The following KIAA1614 variants were observed in gnomAD, a reference collection of about 807,000 sequenced individuals.
The protein encoded by KIAA1614 is KIAA1614, also known as uncharacterized protein KIAA1614.
KIAA1614 carries 76 observed loss-of-function variants against 88.7 expected under a neutral mutation model. The ratio of observed to expected loss-of-function variants is 0.86; its 90% confidence interval spans 0.71 to 1.04. The LOEUF is 1.04. Among genes scored for constraint, KIAA1614 ranks in the 50% least tolerant of loss-of-function variants. KIAA1614 has a pLI of 0.00. For synonymous variants in KIAA1614, 714 were observed against 675.5 expected, an observed-to-expected ratio of 1.06 and a Z score of -0.88; for missense variants, 1,553 against 1,582.5, an observed-to-expected ratio of 0.98 and a Z score of 0.32.
Position 180,913,267 on chromosome 1 carries a change from G to GGCC in KIAA1614, c.25_27dup (p.Ala9dup). On this transcript the variant is annotated inframe_insertion, in exon 1 of 9. Transcript: ENST00000367588. ...GGATGGAGGGGACAGAGGCGGCGGC[G>GGCC]GCCAAACCCGCGGGCGGCAGCCCCC... 1 of 1,259,904 alleles carries GGCC rather than the reference G, an allele frequency of 7.9e-7. No homozygotes were observed. The highest frequency in any genetic ancestry group is 1.0e-6 in the Non-Finnish European group (1 of 996,778). 78.0% of individuals were successfully genotyped at this position (1,259,904 alleles called of 1,614,324 possible).
At position 180,941,139 on chromosome 1, in the gene KIAA1614, G is replaced by A; in HGVS notation, c.3013G>A (p.Gly1005Arg). The A allele has an allele frequency of 1.2e-6, 2 of 1,613,574 alleles. No individual in the cohort carries two copies. The highest frequency in any genetic ancestry group is 1.7e-6 in the Non-Finnish European group (2 of 1,179,886). ...GAGCAGCAGCATAGCCTCCACCCTGGGGCTGAAAAAGCTCTTCTCAGCCCT... is the reference window on the plus strand; with the variant it reads ...GAGCAGCAGCATAGCCTCCACCCTGAGGCTGAAAAAGCTCTTCTCAGCCCT... ...KRSSSIASTL[G>R]LKKLFSALGQ... Residue 1005 changes from glycine (G) to arginine (R), a missense_variant, in exon 7 of 9, where the codon GGG (glycine) becomes AGG (arginine). Coordinates refer to ENST00000367588, the MANE Select transcript of KIAA1614 (RefSeq NM_020950.2).
rs1654635495 is a variant in KIAA1614 at position 180,948,036 on chromosome 1, G to GCTCTGATGGGCAGGGGTCTCTAGTGA, written c.*2450_*2475dup. ...GCCCCTCCCTGTCACCCGTCAGGGA[G>GCTCTGATGGGCAGGGGTCTCTAGTGA]CTCTGATGGGCAGGGGTCTCTAGTG... On this transcript the variant is annotated 3_prime_UTR_variant, in exon 9 of 9. Transcript: ENST00000367588. 3 of 152,216 alleles carry GCTCTGATGGGCAGGGGTCTCTAGTGA rather than the reference G, an allele frequency of 2.0e-5. No individual in the cohort carries two copies. Among genetic ancestry groups the GCTCTGATGGGCAGGGGTCTCTAGTGA allele is most frequent in the African/African-American group, 7.2e-5 (3 of 41,454 alleles). 9.4% of individuals were successfully genotyped at this position (152,216 alleles called of 1,614,324 possible).
At chr1:180,925,678 C>T (rs751094065) in intron 3 of KIAA1614, among the ~76,000 whole-genome samples, 18 of 152,192 alleles carry the variant, frequency 1.2e-4, no homozygotes, top group Non-Finnish European at 5.9e-5. Context: ...CTGGCCGAGA[C>T]GGGAGTGCCC....
intron 1 of KIAA1614, among the ~76,000 whole-genome samples, chr1:180,914,393 A>G (rs1355033471): frequency 6.6e-6 from 1 of 152,202 alleles, no homozygotes; most frequent in Non-Finnish European, 1.5e-5. Context: ...TAAGGGGAGT[A>G]GGGTTAAGTG....
At chr1:180,917,245 A>C in intron 2 of KIAA1614, 145 bp downstream of exon 2, 1 of 666,710 alleles carries the variant, frequency 1.5e-6, no homozygotes, top group Non-Finnish European at 2.6e-6. Context: ...AATCATCAGG[A>C]TGGCCTCTTG....
In KIAA1614 at chr1:180,916,432, G is replaced by A. The variant is rs1653800375; in HGVS notation, c.329G>A (p.Trp110Ter). 6.2e-7 allele frequency: 1 copy of A among 1,614,092 alleles called. No homozygotes were observed. Among genetic ancestry groups the A allele is most frequent in the African/African-American group, 1.3e-5 (1 of 74,940 alleles). ...GVSPCSASQE[W>*]SSPKKPQCRR... ...AGTCCCTGCTCTGCTTCCCAAGAGT[G>A]GTCATCCCCCAAGAAACCCCAATGC... The change falls in exon 2 of 9, where the codon TGG becomes TAG. Residue 110 changes from tryptophan (W) to a stop codon, truncating the protein, a stop_gained. Transcript: ENST00000367588. LOFTEE classifies it high-confidence loss of function.
chr1:180,917,826 T>C lies in KIAA1614; in HGVS notation c.998-25T>C, dbSNP rs369406279. On this transcript the variant is annotated intron_variant, in intron 2 of 8. Coordinates refer to ENST00000367588, the MANE Select transcript of KIAA1614 (RefSeq NM_020950.2). The stretch of plus-strand genomic sequence containing the variant: ...AGCCCTGTTTCTGGCTCTGTCCTGA[T>C]CTCTGCTTCTGTTCTGGATCCTAGA... The C allele has an allele frequency of 3.2e-5, 51 of 1,609,484 alleles. No homozygotes were observed. The African/African-American group carries it at 6.3e-4, about 20-fold the overall frequency.
intron 4 of KIAA1614, among the ~76,000 whole-genome samples, chr1:180,930,351 G>A (rs1368334738): frequency 4.6e-5 from 7 of 151,010 alleles, no homozygotes; most frequent in East Asian, 1.9e-4. Flanking sequence ...CCCGGGAGGC[G>A]GAGGTTGCAG....
At chr1:180,934,271 GA>G (rs1388928941) in intron 4 of KIAA1614, among the ~76,000 whole-genome samples, 1 of 99,568 alleles carries the variant, frequency 1.0e-5, no homozygotes, top group Non-Finnish European at 2.1e-5. Flanking sequence ...AAAAAAAAAA[GA>G]AAAGAAAAGA....
Position 180,935,237 on chromosome 1 carries a change from G to A in KIAA1614, c.1328G>A (p.Arg443Gln), listed in dbSNP as rs778433106. Reference protein sequence around the residue: ...GESSGGHRPRRGPSPSHVRFE... With the variant: ...GESSGGHRPRQGPSPSHVRFE... ...TCCAGCGGTGGGCACAGGCCGAGGC[G>A]GGGCCCCTCGCCGTCGCACGTGCGC... Residue 443 changes from arginine (R) to glutamine (Q), a missense_variant, in exon 5 of 9, where the codon CGG (arginine) becomes CAG (glutamine). Transcript: ENST00000367588. The surrounding 1 kb of genome is among the most constrained non-coding windows in gnomAD (Gnocchi z 6.1). 3 of 1,531,898 alleles carry A rather than the reference G, an allele frequency of 2.0e-6. No individual in the cohort carries two copies. The highest frequency in any genetic ancestry group is 2.6e-6 in the Non-Finnish European group (3 of 1,142,412). The allele number at this position is 1,531,898 out of a possible 1,614,324, so 94.9% of individuals were successfully genotyped here.
chr1:180,916,813 G>T lies in KIAA1614; in HGVS notation c.710G>T (p.Arg237Met). 1 of 1,614,230 alleles carries T rather than the reference G, an allele frequency of 6.2e-7. No individual in the cohort carries two copies. The highest frequency in any genetic ancestry group is 8.5e-7 in the Non-Finnish European group (1 of 1,180,036). ...AAAATCATCCACATTCCCAGCCCAA[G>T]GACAGGAAGGTCCTACCCTTTTCCA... is the stretch of plus-strand genomic sequence containing the variant. ...CNKIIHIPSP[R>M]TGRSYPFPDG... The change falls in exon 2 of 9, where the codon AGG becomes ATG. Residue 237 changes from arginine to methionine, a missense_variant. Coordinates refer to ENST00000367588, the MANE Select transcript of KIAA1614 (RefSeq NM_020950.2).
chr1:180,918,024 T>C lies in KIAA1614; in HGVS notation c.1061+110T>C, dbSNP rs991000244. On this transcript the variant is annotated intron_variant, in intron 3 of 8. Transcript: ENST00000367588. Reference sequence around the variant, plus strand: ...TCCCAAAGTGAGAGGGCAGGCAGACTCCTGCACCAGCAGACCAGTGGACGT... The same window carrying C: ...TCCCAAAGTGAGAGGGCAGGCAGACCCCTGCACCAGCAGACCAGTGGACGT... 3.4e-6 allele frequency: 3 copies of C among 894,126 alleles called. No homozygotes were observed. In the African/African-American group the frequency reaches 4.9e-5, roughly 15 times the overall value. The allele number at this position is 894,126 out of a possible 1,614,324, so 55.4% of individuals were successfully genotyped here. A position where few individuals can be genotyped will look rare whatever the true frequency, so the allele number is the denominator to read the frequency against.
intron 6 of KIAA1614, among the ~76,000 whole-genome samples, chr1:180,939,388 A>G (rs186497597): frequency 8.7e-4 from 132 of 152,306 alleles, no homozygotes; most frequent in Non-Finnish European, 1.4e-3. Context: ...CCTCTCAAAC[A>G]AAAAGCTCAA....
In KIAA1614 at chr1:180,916,761, C is replaced by T. The variant is rs374743541; in HGVS notation, c.658C>T (p.Arg220Trp). 93 of 1,614,192 alleles carry T rather than the reference C, an allele frequency of 5.8e-5. 1 individual carries two copies. The highest frequency in any genetic ancestry group is 2.5e-4 in the South Asian group (23 of 91,080). The change falls in exon 2 of 9, where the codon CGG (arginine) becomes TGG (tryptophan). Residue 220 changes from arginine (R) to tryptophan (W), a missense_variant. By Grantham distance (101) the Arg-to-Trp change is moderately radical. Transcript: ENST00000367588. ...CCCGATCCATGGAGTTACTCCCGGA[C>T]GGCCTGGGGGTCCTGGTCATTGTAA... ...QSPIHGVTPG[R>W]PGGPGHCNKI...
intron 7 of KIAA1614, 41 bp downstream of exon 7, chr1:180,941,326 C>T (rs745973158): frequency 1.2e-5 from 19 of 1,569,996 alleles, no homozygotes; most frequent in African/African-American, 6.8e-5. Context: ...AAGCCAGTAG[C>T]GGTGCAACCA....
intron 4 of KIAA1614, among the ~76,000 whole-genome samples, chr1:180,932,674 C>T (rs28521538): frequency 6.6e-6 from 1 of 152,138 alleles, no homozygotes; most frequent in Non-Finnish European, 1.5e-5. Flanking sequence ...TCAAAGCAGG[C>T]AGATCTACTT....
chr1:180,924,276 A>G (rs935436804), intron 3 of KIAA1614, among the ~76,000 whole-genome samples: 1 of 152,238 alleles, frequency 6.6e-6, no homozygotes, highest in Admixed American at 6.5e-5. Flanking sequence ...TGCCTGCCAG[A>G]GTTGAACAGG....
intron 1 of KIAA1614, among the ~76,000 whole-genome samples, chr1:180,915,469 T>C (rs1653768874): frequency 6.6e-6 from 1 of 152,244 alleles, no homozygotes; most frequent in Non-Finnish European, 1.5e-5. Flanking sequence ...GTTTTCACTC[T>C]GGTCCACATT....
At chr1:180,925,968 C>A (rs10914135) in intron 3 of KIAA1614, among the ~76,000 whole-genome samples, 40,407 of 152,134 alleles carry the variant, frequency 0.27, 6,079 homozygotes, top group Middle Eastern at 0.35. Flanking sequence ...CCTCTCCCCT[C>A]TCCAGCCCCC....
Sources: allele counts gnomAD v4.1 joint callset (sites outside exome capture counted in the v4.1 genomes callset), GRCh38; gene constraint gnomAD v4.1.1; non-coding constraint Gnocchi (gnomAD v3.1); transcripts MANE v1.5; gene names NCBI Gene and HGNC (gene_info 2026-07-23, HGNC 2026-07-21).